KCNN2: variants seen among roughly 807,000 people sequenced by gnomAD.
KCNN2 encodes the protein small conductance calcium-activated potassium channel protein 2.
Under a neutral mutation model 55.5 loss-of-function variants are expected in KCNN2, and 24 were observed. The observed-to-expected ratio is 0.43, with a 90% confidence interval of 0.31 to 0.61. The LOEUF is 0.61. Among genes scored for constraint, KCNN2 ranks in the 20% least tolerant of loss-of-function variants. KCNN2 has a pLI of 0.08. For missense variants in KCNN2, 754 were observed against 853.6 expected (o/e 0.88, Z 1.45); for synonymous variants, 431 against 336.1 (o/e 1.28, Z -3.09).
chr5:114,410,947 A>G (rs1179596808), intron 3 of KCNN2, among the ~76,000 whole-genome samples: 1 of 152,204 alleles, frequency 6.6e-6, no homozygotes, highest in Non-Finnish European at 1.5e-5. Context: ...TTGAAAGCAG[A>G]CAAACTGGAG....
At chr5:114,467,548 A>ATATC (rs1255922178) in intron 4 of KCNN2, among the ~76,000 whole-genome samples, 1 of 152,122 alleles carries the variant, frequency 6.6e-6, no homozygotes, top group Non-Finnish European at 1.5e-5. Context: ...TGAAGAGAGT[A>ATATC]TATCTTTAAG....
At chr5:114,304,267 A>G (rs889907973) in intron 2 of KCNN2, among the ~76,000 whole-genome samples, 5 of 152,190 alleles carry the variant, frequency 3.3e-5, no homozygotes, top group Admixed American at 2.0e-4. Context: ...GACAGTTTTT[A>G]CGAGGCCATA....
intron 1 of KCNN2, among the ~76,000 whole-genome samples, chr5:114,169,393 A>G (rs1752983869): frequency 6.6e-6 from 1 of 152,122 alleles, no homozygotes; most frequent in African/African-American, 2.4e-5. Context: ...ATGGAAGAGT[A>G]AGAGTCAGAG....
At chr5:114,347,751 A>C (rs1224361962) in intron 2 of KCNN2, among the ~76,000 whole-genome samples, 1 of 152,226 alleles carries the variant, frequency 6.6e-6, no homozygotes, top group African/African-American at 2.4e-5. Flanking sequence ...ACAAACCAAA[A>C]GAAAAACCCC....
intron 5 of KCNN2, 70 bp downstream of exon 5, chr5:114,473,234 T>A (rs1761829625): frequency 1.9e-6 from 2 of 1,030,876 alleles, no homozygotes; most frequent in East Asian, 5.2e-5. Context: ...AAATATGGTT[T>A]TTATTTTGAC....
In KCNN2 at chr5:114,087,288, C is replaced by A. The variant is rs189449527; in HGVS notation, c.-271+30788C>A. Among the ~76,000 whole-genome samples, 8 of 151,986 alleles carry A rather than the reference C, an allele frequency of 5.3e-5. No homozygotes were observed. The East Asian group carries it at 1.5e-3, about 29-fold the overall frequency. On this transcript the variant is annotated intron_variant, in intron 1 of 10. Coordinates refer to the KCNN2 transcript ENST00000512097. The stretch of plus-strand genomic sequence containing the variant: ...AGAAGCTTTTTAATTTAATTAGATC[C>A]CACTTGTCAATTTTTGTTTTTGTTG...
At chr5:114,207,194 C>G (rs545713209) in intron 1 of KCNN2, among the ~76,000 whole-genome samples, 1 of 152,262 alleles carries the variant, frequency 6.6e-6, no homozygotes, top group South Asian at 2.1e-4. Flanking sequence ...CCGTCAAACA[C>G]CCTCTCACAA....
intron 1 of KCNN2, among the ~76,000 whole-genome samples, chr5:114,137,702 A>G (rs1165174234): frequency 3.3e-5 from 5 of 152,302 alleles, no homozygotes; most frequent in African/African-American, 1.2e-4. Flanking sequence ...CTAGAAATCT[A>G]GAAGAAATCA....
intron 2 of KCNN2, among the ~76,000 whole-genome samples, chr5:114,230,283 C>T (rs202080808): frequency 2.3e-3 from 224 of 99,286 alleles, no homozygotes; most frequent in African/African-American, 6.2e-3. Flanking sequence ...TTTTTTCTTT[C>T]TTTCTTTTTT....
At chr5:114,133,464 A>G (rs1438175293) in intron 1 of KCNN2, among the ~76,000 whole-genome samples, 2 of 152,190 alleles carry the variant, frequency 1.3e-5, no homozygotes, top group African/African-American at 4.8e-5. Context: ...TTGGGGAACA[A>G]AAAGTCAGGG....
chr5:114,130,716 A>G (rs1015550911), intron 1 of KCNN2, among the ~76,000 whole-genome samples: 3 of 152,010 alleles, frequency 2.0e-5, no homozygotes, highest in Admixed American at 6.6e-5. Context: ...ATACTTCATA[A>G]TTTTTTTTCC....
In KCNN2 at chr5:114,362,936, C is replaced by T. The variant is rs767906519; in HGVS notation, c.797C>T (p.Ala266Val). The T allele has an allele frequency of 1.9e-5, 30 of 1,546,594 alleles. No homozygotes were observed. The highest frequency in any genetic ancestry group is 2.5e-5 in the Non-Finnish European group (29 of 1,140,604). The change falls in exon 1 of 8, where the codon GCC (alanine) becomes GTC (valine). Residue 266 changes from alanine (A) to valine (V), a missense_variant. By Grantham distance (64) the Ala-to-Val change is moderately conservative. This residue lies in a region of KCNN2 where 381 missense variants were observed against 259.1 expected (regional missense o/e 1.47). Coordinates refer to ENST00000673685, the MANE Select transcript of KCNN2 (RefSeq NM_021614.4). Reference protein sequence around the residue: ...GGASSPSAAAAAAAAVSSSAP... With the variant: ...GGASSPSAAAVAAAAVSSSAP... ...GCGTCCTCCCCGTCTGCAGCCGCTGCCGCCGCCGCCGCTGTTTCGTCCTCA... is the reference window on the plus strand; with the variant it reads ...GCGTCCTCCCCGTCTGCAGCCGCTGTCGCCGCCGCCGCTGTTTCGTCCTCA...
intron 1 of KCNN2, among the ~76,000 whole-genome samples, chr5:114,154,426 G>A (rs1280277487): frequency 6.6e-6 from 1 of 152,066 alleles, no homozygotes; most frequent in Non-Finnish European, 1.5e-5. Context: ...AATGTGGGTG[G>A]CACTAGAGGA....
intron 1 of KCNN2, among the ~76,000 whole-genome samples, chr5:114,129,405 C>A (rs1004469355): frequency 6.6e-6 from 1 of 151,730 alleles, no homozygotes; most frequent in Non-Finnish European, 1.5e-5. Context: ...CCACGTAAAA[C>A]CTAAAGATTA....
chr5:114,442,880 C>G (rs1458010331), intron 3 of KCNN2, among the ~76,000 whole-genome samples: 1 of 152,234 alleles, frequency 6.6e-6, no homozygotes. Context: ...CACAGTAGTT[C>G]TGTTTAAGAA....
intron 3 of KCNN2, among the ~76,000 whole-genome samples, chr5:114,440,716 A>G (rs929505643): frequency 4.6e-5 from 7 of 152,120 alleles, no homozygotes; most frequent in East Asian, 1.9e-4. Context: ...TAAGTCTACA[A>G]TCAAGTATGT....
At chr5:114,094,452 T>C (rs1405061681) in intron 1 of KCNN2, among the ~76,000 whole-genome samples, 2 of 152,244 alleles carry the variant, frequency 1.3e-5, no homozygotes, top group African/African-American at 4.8e-5. Flanking sequence ...TCTTCTTCTT[T>C]GTTTAAACAT....
chr5:114,459,447 A>T (rs1050150321), intron 3 of KCNN2, among the ~76,000 whole-genome samples: 1 of 152,246 alleles, frequency 6.6e-6, no homozygotes, highest in Non-Finnish European at 1.5e-5. Context: ...ATTTTTAAAC[A>T]TTGTATTAAT....
At chr5:114,473,419 A>C (rs1335518554) in intron 5 of KCNN2, among the ~76,000 whole-genome samples, 1 of 152,190 alleles carries the variant, frequency 6.6e-6, no homozygotes, top group Non-Finnish European at 1.5e-5. Context: ...CTACTTGTTT[A>C]GATTTCAGTA....
Sources: gnomAD v4.1 joint callset for allele counts (sites outside exome capture counted in the v4.1 genomes callset) on GRCh38, gnomAD v4.1.1 for gene constraint, gnomAD v4.1.1 regional missense constraint, MANE v1.5 for transcripts, NCBI Gene and HGNC (gene_info 2026-07-23, HGNC 2026-07-21) for gene names.